DHRSX: variants seen among roughly 807,000 people sequenced by gnomAD.
DHRSX encodes the protein dehydrogenase/reductase X-linked, also known as polyprenol dehydrogenase.
A neutral mutation model predicts 34.0 loss-of-function variants in DHRSX; 31 were observed. The ratio of observed to expected loss-of-function variants is 0.91; its 90% CI spans 0.69 to 1.23. The LOEUF is 1.23. DHRSX is among the 50% of genes most tolerant of loss of function. The pLI is 0.00. For synonymous variants in DHRSX, 201 were observed against 183.8 expected (o/e 1.09, Z -0.76); for missense variants, 414 against 428.1 (o/e 0.97, Z 0.29).
At chrX:2,247,800 CA>C (rs757012842) in intron 5 of DHRSX, among the ~76,000 whole-genome samples, 98 of 152,158 alleles carry the variant, frequency 6.4e-4, no homozygotes, top group African/African-American at 2.3e-3. Context: ...GAAGCAGCAT[CA>C]GAAGCAAACC....
chrX:2,341,764 T>C (rs2042643893), intron 3 of DHRSX, among the ~76,000 whole-genome samples: 1 of 152,176 alleles, frequency 6.6e-6, no homozygotes, highest in Admixed American at 6.6e-5. Context: ...AAATAAAATA[T>C]TACAAAATGC....
intron 1 of DHRSX, chrX:2,489,849 G>A (rs765622879): frequency 1.9e-6 from 3 of 1,613,726 alleles, no homozygotes; most frequent in African/African-American, 1.3e-5. Context: ...GTGTGGCCCA[G>A]GCAGGGCATG....
In DHRSX at chrX:2,412,215, G is replaced by A. The variant is rs756415931; in HGVS notation, c.218-3402C>T. Among the ~76,000 whole-genome samples the A allele has an allele frequency of 1.2e-4, 18 of 152,298 alleles. 1 individual carries two copies. In the South Asian group the frequency reaches 3.7e-3, roughly 32 times the overall value. On this transcript the variant is annotated intron_variant, in intron 2 of 6. Transcript: ENST00000334651. ...TGTATTTGGGGGGGCAGGGGAGGGC[G>A]TTACATGTTATATGTGCAATGGAAA...
chrX:2,311,061 CAA>C (rs33965542), intron 3 of DHRSX, among the ~76,000 whole-genome samples: 23,169 of 130,846 alleles, frequency 0.18, 2,066 homozygotes, highest in Admixed American at 0.24. Flanking sequence ...CACTCTGTGT[CAA>C]AAAAAAAAAA....
chrX:2,493,999 A>G (rs1194886750), intron 1 of DHRSX, among the ~76,000 whole-genome samples: 1 of 150,124 alleles, frequency 6.7e-6, no homozygotes. Context: ...AAAAAAAAAG[A>G]TATATATGCT....
intron 1 of DHRSX, among the ~76,000 whole-genome samples, chrX:2,450,137 A>G (rs866653246): frequency 7.7e-6 from 1 of 129,584 alleles, no homozygotes; most frequent in South Asian, 2.5e-4. Flanking sequence ...CAAAAAAAAA[A>G]GGAAAAAAGT....
chrX:2,270,667 T>A (rs769944062), intron 4 of DHRSX, among the ~76,000 whole-genome samples: 17 of 152,250 alleles, frequency 1.1e-4, no homozygotes, highest in African/African-American at 4.1e-4. Context: ...AGTGCGGTTG[T>A]AGTGCTTTGG....
At chrX:2,336,848 TATAGATAG>T (rs375205503) in intron 3 of DHRSX, among the ~76,000 whole-genome samples, 2 of 151,458 alleles carry the variant, frequency 1.3e-5, no homozygotes, top group Non-Finnish European at 2.9e-5. Flanking sequence ...GATAGATAGA[TATAGATAG>T]ATAGATTTAT....
chrX:2,243,403 T>C (rs1443589629), intron 5 of DHRSX, among the ~76,000 whole-genome samples, 173 bp from the exon 6 acceptor site: 12 of 152,256 alleles, frequency 7.9e-5, no homozygotes, highest in Non-Finnish European at 5.9e-5. Flanking sequence ...TGTGGATTTT[T>C]CTAGTTCACC....
chrX:2,356,241 G>C (rs971305537), intron 3 of DHRSX, among the ~76,000 whole-genome samples: 3 of 151,986 alleles, frequency 2.0e-5, no homozygotes, highest in Non-Finnish European at 2.9e-5. Context: ...TGGGTGTGGT[G>C]GTGGGCACCT....
intron 4 of DHRSX, among the ~76,000 whole-genome samples, chrX:2,267,503 C>T (rs1452087573): frequency 6.6e-6 from 1 of 151,026 alleles, no homozygotes; most frequent in Non-Finnish European, 1.5e-5. Flanking sequence ...TGAGATCATG[C>T]CACTGCACTC....
intron 3 of DHRSX, among the ~76,000 whole-genome samples, chrX:2,365,839 C>G (rs1033065800): frequency 6.6e-6 from 1 of 152,058 alleles, no homozygotes; most frequent in Non-Finnish European, 1.5e-5. Context: ...GGACAAATAC[C>G]TAATGCATGC....
At chrX:2,329,076 TAA>T (rs2042425441) in intron 3 of DHRSX, among the ~76,000 whole-genome samples, 1 of 152,216 alleles carries the variant, frequency 6.6e-6, no homozygotes, top group Admixed American at 6.5e-5. Context: ...GGTGAAGAAA[TAA>T]AAAGAGTATT....
chrX:2,358,018 C>T (rs2042878660), intron 3 of DHRSX, among the ~76,000 whole-genome samples: 2 of 152,140 alleles, frequency 1.3e-5, no homozygotes, highest in East Asian at 3.9e-4. Context: ...CTCAAAACAG[C>T]AATCAGAATC....
intron 3 of DHRSX, among the ~76,000 whole-genome samples, chrX:2,302,864 G>C (rs2042030035): frequency 6.6e-6 from 1 of 151,980 alleles, no homozygotes; most frequent in Non-Finnish European, 1.5e-5. Context: ...ATTTTTTTTA[G>C]TAATTCATTT....
chrX:2,275,910 C>G (rs900274280), intron 4 of DHRSX, among the ~76,000 whole-genome samples: 2 of 151,994 alleles, frequency 1.3e-5, no homozygotes, highest in African/African-American at 4.8e-5. Context: ...GTGGCACAAT[C>G]TCGGCCCACT....
At chrX:2,352,082 A>G (rs7892233) in intron 3 of DHRSX, among the ~76,000 whole-genome samples, 117,900 of 151,822 alleles carry the variant, frequency 0.78, 46,851 homozygotes, top group African/African-American at 0.9. Context: ...ACCATTGGAC[A>G]ACCACAATCC....
At chrX:2,238,586 CTTT>C (rs758589373) in intron 6 of DHRSX, among the ~76,000 whole-genome samples, 1 of 142,364 alleles carries the variant, frequency 7.0e-6, no homozygotes, top group Non-Finnish European at 1.5e-5. Context: ...TTTCTTCTTT[CTTT>C]TTTTTTTTTT....
chrX:2,495,900 C>T (rs190787500), intron 1 of DHRSX, among the ~76,000 whole-genome samples: 236 of 152,208 alleles, frequency 1.6e-3, no homozygotes, highest in Non-Finnish European at 2.6e-3. Flanking sequence ...AACGACACGT[C>T]GCAAGAGACC....
Sources: gnomAD v4.1 joint callset for allele counts (sites outside exome capture counted in the v4.1 genomes callset) on GRCh38, gnomAD v4.1.1 for gene constraint, MANE v1.5 for transcripts, NCBI Gene and HGNC (gene_info 2026-07-23, HGNC 2026-07-21) for gene names.